The following CTNND2 variants were observed in gnomAD, a reference collection of about 807,000 sequenced individuals.
CTNND2 encodes catenin delta 2.
CTNND2 carries 22 observed loss-of-function variants against 144.4 expected under a neutral mutation model. The ratio of observed to expected loss-of-function variants is 0.15; its 90% CI spans 0.11 to 0.22. The LOEUF is 0.22. Among genes scored for constraint, CTNND2 ranks in the 10% least tolerant of loss-of-function variants. The pLI, the probability that CTNND2 is intolerant of heterozygous loss-of-function variation, is 1.00. For missense variants in CTNND2, 1,353 were observed against 1,618.8 expected, an observed-to-expected ratio of 0.84 and a Z score of 2.82; for synonymous variants, 751 against 695.6, an observed-to-expected ratio of 1.08 and a Z score of -1.25.
chr5:11,055,351 A>G (rs1746249500), intron 16 of CTNND2, among the ~76,000 whole-genome samples: 1 of 152,238 alleles, frequency 6.6e-6, no homozygotes, highest in Non-Finnish European at 1.5e-5. Flanking sequence ...AGGAGGCTCC[A>G]GCCAAGAAGG....
chr5:11,124,097 T>A (rs565670041), intron 12 of CTNND2, among the ~76,000 whole-genome samples: 246 of 152,306 alleles, frequency 1.6e-3, no homozygotes, highest in African/African-American at 5.8e-3. Context: ...TTGATGGAAA[T>A]TTTTTAACTC....
chr5:11,711,964 T>C (rs1786058521), intron 2 of CTNND2, among the ~76,000 whole-genome samples: 1 of 152,200 alleles, frequency 6.6e-6, no homozygotes, highest in East Asian at 1.9e-4. Context: ...TTAACATTAT[T>C]ATTAGTAGGA....
intron 13 of CTNND2, among the ~76,000 whole-genome samples, chr5:11,116,984 A>T (rs1205618960): frequency 6.6e-6 from 1 of 152,090 alleles, no homozygotes; most frequent in Non-Finnish European, 1.5e-5. Context: ...ACTTGATCCC[A>T]GGAGGTGGAG....
chr5:11,865,793 C>T (rs1464195748), intron 1 of CTNND2, among the ~76,000 whole-genome samples: 3 of 148,714 alleles, frequency 2.0e-5, no homozygotes, highest in Admixed American at 6.9e-5. Flanking sequence ...AAGAGGAGAA[C>T]TATAGACGTA....
At chr5:11,105,692 C>A (rs1752351731) in intron 14 of CTNND2, among the ~76,000 whole-genome samples, 1 of 152,196 alleles carries the variant, frequency 6.6e-6, no homozygotes, top group African/African-American at 2.4e-5. Flanking sequence ...ATATCTTCCA[C>A]TAGAGGTGAG....
At position 11,904,291 on chromosome 5, in the gene CTNND2, C is replaced by T. The variant is rs1271561617; in HGVS notation, c.-438G>A. On this transcript the variant is annotated 5_prime_UTR_variant, in exon 1 of 22. Transcript: ENST00000304623. The surrounding 1 kb of genome is among the most constrained non-coding windows in gnomAD (Gnocchi z 4.2). ...TCCCGAGCTGCGCCCCGCGCGCGGC[C>T]CGCGCCACCTGTGCCGCCGCCGCCT... is the stretch of plus-strand genomic sequence containing the variant. Among the ~76,000 whole-genome samples, 3 of 146,706 alleles carry T rather than the reference C, an allele frequency of 2.0e-5. No individual in the cohort carries two copies. Among genetic ancestry groups the T allele is most frequent in the African/African-American group, 4.9e-5 (2 of 40,836 alleles).
intron 9 of CTNND2, among the ~76,000 whole-genome samples, chr5:11,303,542 T>A (rs1749828152): frequency 6.6e-6 from 1 of 152,176 alleles, no homozygotes. Context: ...CTGAAGCGGA[T>A]GCCTGGCACA....
intron 1 of CTNND2, among the ~76,000 whole-genome samples, chr5:11,741,836 C>CAT (rs772069264): frequency 0.016 from 2,254 of 144,438 alleles, 32 homozygotes; most frequent in African/African-American, 0.024. Flanking sequence ...TAGTAGTATT[C>CAT]ATATATATAT....
In CTNND2 at chr5:11,292,715, T is replaced by G. The variant is rs374005543; in HGVS notation, c.1628+53657A>C. 3.9e-5 allele frequency among the ~76,000 whole-genome samples: 6 copies of G among 152,272 alleles called. No homozygotes were observed. The East Asian group carries it at 5.8e-4, about 15-fold the overall frequency. On this transcript the variant is annotated intron_variant, in intron 9 of 21. Coordinates refer to ENST00000304623, the MANE Select transcript of CTNND2 (RefSeq NM_001332.4). ...CCATTAAACCTCTTTTCTTTATAAATTACCCAGTTTGGGGCAGTTCTTTAT... is the reference window on the plus strand; with the variant it reads ...CCATTAAACCTCTTTTCTTTATAAAGTACCCAGTTTGGGGCAGTTCTTTAT...
intron 11 of CTNND2, among the ~76,000 whole-genome samples, chr5:11,197,462 G>C (rs1030771985): frequency 5.3e-5 from 8 of 152,262 alleles, no homozygotes; most frequent in Non-Finnish European, 1.0e-4. Flanking sequence ...CATGACAGTG[G>C]GTGCAAACCT....
chr5:11,717,125 C>T (rs989392660), intron 2 of CTNND2, among the ~76,000 whole-genome samples: 2 of 151,900 alleles, frequency 1.3e-5, no homozygotes, highest in African/African-American at 2.4e-5. Context: ...ACCTCAGCCT[C>T]CCAAAGTGCT....
At chr5:11,380,898 C>G (rs1277567299) in intron 7 of CTNND2, among the ~76,000 whole-genome samples, 1 of 152,212 alleles carries the variant, frequency 6.6e-6, no homozygotes, top group Non-Finnish European at 1.5e-5. Flanking sequence ...ATCCCACTTT[C>G]TAATGGCTAC....
rs79621176 is a variant in CTNND2, at chr5:11,487,180, C to T, written c.288-75111G>A. 6.6e-3 allele frequency among the ~76,000 whole-genome samples: 987 copies of T among 148,806 alleles called. 25 individuals carry two copies. The highest frequency in any genetic ancestry group is 0.046 in the Admixed American group (695 of 14,948). On this transcript the variant is annotated intron_variant, in intron 3 of 21. Transcript: ENST00000304623. ...AAACTAATTATAAATAGATCAACTA[C>T]GGCAAAACTTTTATTTAAATTCCTT...
chr5:11,424,559 T>A (rs1762623733), intron 3 of CTNND2, among the ~76,000 whole-genome samples: 1 of 152,014 alleles, frequency 6.6e-6, no homozygotes, highest in Non-Finnish European at 1.5e-5. Flanking sequence ...TTGTACTACT[T>A]AAGCAAGATA....
intron 10 of CTNND2, among the ~76,000 whole-genome samples, chr5:11,229,196 A>C (rs1740706107): frequency 6.6e-6 from 1 of 152,320 alleles, no homozygotes; most frequent in Admixed American, 6.5e-5. Context: ...AAAGTCACAT[A>C]ATAAAGTTTG....
At chr5:11,144,428 A>G (rs942735985) in intron 12 of CTNND2, among the ~76,000 whole-genome samples, 2 of 152,210 alleles carry the variant, frequency 1.3e-5, no homozygotes, top group South Asian at 2.1e-4. Context: ...CCTCCGGTCC[A>G]CCTGCAGGCT....
intron 3 of CTNND2, among the ~76,000 whole-genome samples, chr5:11,533,527 C>T (rs1231240518): frequency 1.3e-5 from 2 of 152,188 alleles, no homozygotes; most frequent in African/African-American, 4.8e-5. Flanking sequence ...CCAGTGTGAG[C>T]CAGCAGACGT....
chr5:11,772,601 A>G (rs1050667142), intron 1 of CTNND2, among the ~76,000 whole-genome samples: 3 of 152,192 alleles, frequency 2.0e-5, no homozygotes, highest in Non-Finnish European at 4.4e-5. Flanking sequence ...TATAGATTAA[A>G]CACATAGCAG....
At chr5:11,494,939 T>C (rs1412783824) in intron 3 of CTNND2, among the ~76,000 whole-genome samples, 2 of 152,248 alleles carry the variant, frequency 1.3e-5, no homozygotes, top group African/African-American at 4.8e-5. Context: ...TCATTAATTA[T>C]TTCTCATATC....
Sources: gnomAD v4.1 joint callset for allele counts (sites outside exome capture counted in the v4.1 genomes callset) on GRCh38, gnomAD v4.1.1 for gene constraint, Gnocchi (gnomAD v3.1) non-coding constraint, MANE v1.5 for transcripts, NCBI Gene and HGNC (gene_info 2026-07-23, HGNC 2026-07-21) for gene names.